The following PTPRJ variants were observed in gnomAD, a reference collection of about 807,000 sequenced individuals.
PTPRJ encodes receptor-type tyrosine-protein phosphatase eta.
Under a neutral mutation model 141.3 loss-of-function variants are expected in PTPRJ, and 129 were observed. That is an observed-to-expected ratio of 0.91 (90% CI 0.79 to 1.06). The LOEUF (loss-of-function observed/expected upper bound fraction) is 1.06. Among genes scored for constraint, PTPRJ ranks in the 50% least tolerant of loss-of-function variants. The pLI, the probability that PTPRJ is intolerant of heterozygous loss-of-function variation, is 0.00. For synonymous variants in PTPRJ, 610 were observed against 640.5 expected, an observed-to-expected ratio of 0.95 and a Z score of 0.72; for missense variants, 1,601 against 1,679.7, an observed-to-expected ratio of 0.95 and a Z score of 0.82.
At chr11:48,144,413 G>T (rs1387985113) in intron 12 of PTPRJ, among the ~76,000 whole-genome samples, 1 of 152,200 alleles carries the variant, frequency 6.6e-6, no homozygotes, top group Non-Finnish European at 1.5e-5. Context: ...CCTTGTGCCT[G>T]GTCCTGTTAG....
At chr11:48,119,495 T>G (rs1329257937) in intron 3 of PTPRJ, among the ~76,000 whole-genome samples, 1 of 152,130 alleles carries the variant, frequency 6.6e-6, no homozygotes, top group Admixed American at 6.5e-5. Flanking sequence ...GCCTCCTGGG[T>G]TCAAGTGATT....
chr11:48,097,599 G>A (rs117988648), intron 1 of PTPRJ, among the ~76,000 whole-genome samples: 8 of 151,636 alleles, frequency 5.3e-5, no homozygotes, highest in Middle Eastern at 3.4e-3. Context: ...GTGTAGTGGC[G>A]TGATCTCAGC....
At chr11:48,029,625 A>G (rs1170516147) in intron 1 of PTPRJ, among the ~76,000 whole-genome samples, 1 of 152,248 alleles carries the variant, frequency 6.6e-6, no homozygotes, top group East Asian at 1.9e-4. Flanking sequence ...CTATGCATAT[A>G]TAAAGGGTGC....
chr11:48,136,385 T>C, intron 9 of PTPRJ, 89 bp downstream of exon 9: 4 of 1,490,640 alleles, frequency 2.7e-6, no homozygotes, highest in Non-Finnish European at 3.6e-6. Flanking sequence ...AGTGTGCTTC[T>C]GGGATCCAGG....
chr11:48,123,909 T>C, intron 5 of PTPRJ, 39 bp downstream of exon 5: 1 of 1,571,280 alleles, frequency 6.4e-7, no homozygotes, highest in Non-Finnish European at 8.7e-7. Flanking sequence ...CCTTACTGGT[T>C]CTTACTTTCA....
rs554249360 is a variant in PTPRJ, at chr11:48,089,773, G to A, written c.97-20285G>A. Among the ~76,000 whole-genome samples the A allele has an allele frequency of 2.0e-5, 3 of 152,304 alleles. No individual in the cohort carries two copies. The South Asian group carries it at 6.2e-4, about 32-fold the overall frequency. On this transcript the variant is annotated intron_variant, in intron 1 of 24. Transcript: ENST00000418331. ...GCACCTGGAGCTGTTCACAGTAAAT[G>A]GAAGGAATTTTTATGGAGGGTGTAA... is the stretch of plus-strand genomic sequence containing the variant.
intron 15 of PTPRJ, among the ~76,000 whole-genome samples, chr11:48,147,544 T>A (rs1205668090): frequency 6.6e-6 from 1 of 152,200 alleles, no homozygotes; most frequent in Non-Finnish European, 1.5e-5. Flanking sequence ...CTGTGAATTA[T>A]CGCATGCATG....
At chr11:48,156,316 C>T (rs577887139) in intron 21 of PTPRJ, among the ~76,000 whole-genome samples, 197 bp downstream of exon 21, 1 of 152,082 alleles carries the variant, frequency 6.6e-6, no homozygotes, top group South Asian at 2.1e-4. Context: ...TCTATTTTGT[C>T]ATTATCTTTT....
At chr11:48,144,908 C>T (rs1343034070) in intron 13 of PTPRJ, 23 bp downstream of exon 13, 16 of 1,613,786 alleles carry the variant, frequency 9.9e-6, no homozygotes, top group Non-Finnish European at 1.4e-5. Flanking sequence ...GGTTCTTACT[C>T]TTTGGGGGCT....
Position 48,167,069 on chromosome 11 carries a change from C to T in PTPRJ, c.3856-135C>T, listed in dbSNP as rs184082078. 438 of 728,498 alleles carry T rather than the reference C, an allele frequency of 6.0e-4. 4 individuals are homozygous for T. In the South Asian group the frequency reaches 6.8e-3, roughly 11 times the overall value. The allele number at this position is 728,498 out of a possible 1,614,324, so 45.1% of individuals were successfully genotyped here. On this transcript the variant is annotated intron_variant, in intron 24 of 24. Coordinates refer to ENST00000418331, the MANE Select transcript of PTPRJ (RefSeq NM_002843.4). The stretch of plus-strand genomic sequence containing the variant: ...ATGTTGTTACCTCTTGAAACATGTT[C>T]GCTTGAACCGTTTGCTGTTGGGTGG...
chr11:48,167,468 T>C lies in PTPRJ; in HGVS notation c.*106T>C. The C allele has an allele frequency of 7.6e-7, 1 of 1,307,640 alleles. No individual in the cohort carries two copies. Among genetic ancestry groups the C allele is most frequent in the South Asian group, 1.5e-5 (1 of 66,712 alleles). 81.0% of individuals were successfully genotyped at this position (1,307,640 alleles called of 1,614,324 possible). On this transcript the variant is annotated 3_prime_UTR_variant, in exon 25 of 25. Coordinates refer to ENST00000418331, the MANE Select transcript of PTPRJ (RefSeq NM_002843.4). ...TTATATGTCTAATATCTTAATTCTT[T>C]GTTCTGTTTTGTGAGAACTAATTTT...
intron 1 of PTPRJ, among the ~76,000 whole-genome samples, chr11:48,058,364 T>C (rs536385658): frequency 6.6e-6 from 1 of 152,114 alleles, no homozygotes; most frequent in East Asian, 1.9e-4. Flanking sequence ...ACCATCACAC[T>C]CATCTAATTA....
intron 1 of PTPRJ, among the ~76,000 whole-genome samples, chr11:48,065,293 T>C (rs61914732): frequency 0.03 from 4,589 of 152,138 alleles, 103 homozygotes; most frequent in Non-Finnish European, 0.046. Flanking sequence ...GGATTACAGA[T>C]GTGAGTCACT....
At position 48,163,478 on chromosome 11, in the gene PTPRJ, C is replaced by T. The variant is rs1226388485; in HGVS notation, c.3579C>T (p.His1193=). ...TTTAGATCCAGACAAGTGAGAGTCA[C>T]CCTCTGAGACAGTTCCATTTCACCT... ...TVKNIQTSES[H]PLRQFHFTSW... is the part of the protein sequence containing the mutation. The change falls in exon 23 of 25, where the codon CAC becomes CAT. Residue 1193 remains histidine, a synonymous_variant. Transcript: ENST00000418331. 6.2e-7 allele frequency: 1 copy of T among 1,614,052 alleles called. No individual in the cohort carries two copies. Among genetic ancestry groups the T allele is most frequent in the South Asian group, 1.1e-5 (1 of 91,076 alleles).
At chr11:48,112,279 C>T (rs1250347661) in intron 2 of PTPRJ, among the ~76,000 whole-genome samples, 3 of 152,108 alleles carry the variant, frequency 2.0e-5, no homozygotes, top group African/African-American at 4.8e-5. Context: ...GGTCTTTGTT[C>T]CCAACAGCTA....
chr11:48,073,991 T>G (rs534952021), intron 1 of PTPRJ, among the ~76,000 whole-genome samples: 1 of 152,232 alleles, frequency 6.6e-6, no homozygotes. Flanking sequence ...AGCATATTTC[T>G]ATTTTTGAGA....
At position 48,127,935 on chromosome 11, in the gene PTPRJ, C is replaced by G; in HGVS notation, c.1249C>G (p.Pro417Ala). Residue 417 changes from proline (P) to alanine (A), a missense_variant, in exon 7 of 25, where the codon CCT becomes GCT. Transcript: ENST00000418331. ...TTCTTCCAATCTCAACGTCAGTGAG[C>G]CTCGCGCTGTCATCCCCGGACTCCG... is the stretch of plus-strand genomic sequence containing the variant. ...TDSSNLNVSEPRAVIPGLRSS... is the reference protein window; with the variant it reads ...TDSSNLNVSEARAVIPGLRSS... 2.5e-6 allele frequency: 4 copies of G among 1,614,152 alleles called. No homozygotes were observed. In the South Asian group the frequency reaches 3.3e-5, roughly 13 times the overall value.
intron 1 of PTPRJ, among the ~76,000 whole-genome samples, chr11:48,026,034 C>T (rs912455793): frequency 3.9e-5 from 6 of 152,220 alleles, no homozygotes; most frequent in South Asian, 2.1e-4. Flanking sequence ...GCTACCCTCC[C>T]GACTCTGTAA....
Position 48,150,256 on chromosome 11 carries a change from G to A in PTPRJ, c.3138+73G>A, listed in dbSNP as rs76685610. On this transcript the variant is annotated intron_variant, in intron 18 of 24. Transcript: ENST00000418331. Reference sequence around the variant, plus strand: ...AGCTGGGATCTGAGGGGAGTTGGTGGATGGGTGGCAGGTAGCTGAAAGAAC... The same window carrying A: ...AGCTGGGATCTGAGGGGAGTTGGTGAATGGGTGGCAGGTAGCTGAAAGAAC... 7.0e-4 allele frequency: 908 copies of A among 1,301,750 alleles called. 7 individuals are homozygous for A. The African/African-American group carries it at 0.012, about 17-fold the overall frequency. 80.6% of individuals were successfully genotyped at this position (1,301,750 alleles called of 1,614,324 possible). A position where few individuals can be genotyped will look rare whatever the true frequency, so the allele number is the denominator to read the frequency against.
Sources: allele counts gnomAD v4.1 joint callset (sites outside exome capture counted in the v4.1 genomes callset), GRCh38; gene constraint gnomAD v4.1.1; transcripts MANE v1.5; gene names NCBI Gene and HGNC (gene_info 2026-07-23, HGNC 2026-07-21).